Variants in PHTF1 observed in about 807,000 individuals in gnomAD.
PHTF1 encodes putative homeodomain transcription factor 1.
In PHTF1, 88 loss-of-function variants were observed where a neutral mutation model predicts 102.4. The observed-to-expected ratio is 0.86, with a 90% CI of 0.72 to 1.03. The LOEUF (loss-of-function observed/expected upper bound fraction) is 1.03. Ranked by LOEUF, PHTF1 falls within the 50% of genes least tolerant of loss-of-function variation. The pLI, the probability that PHTF1 is intolerant of heterozygous loss-of-function variation, is 0.00. For synonymous variants in PHTF1, 289 were observed against 305.2 expected (o/e 0.95, Z 0.55); for missense variants, 814 against 909.5 (o/e 0.89, Z 1.35).
intron 3 of PHTF1, among the ~76,000 whole-genome samples, chr1:113,754,070 C>A (rs748769900): frequency 2.6e-5 from 4 of 152,136 alleles, no homozygotes; most frequent in Non-Finnish European, 4.4e-5. Flanking sequence ...TAGAAGGATT[C>A]TTTTTATTAT....
intron 3 of PHTF1, among the ~76,000 whole-genome samples, chr1:113,743,910 C>T (rs890614512): frequency 5.9e-5 from 9 of 152,306 alleles, no homozygotes; most frequent in African/African-American, 1.9e-4. Flanking sequence ...GATTCCAACC[C>T]TTTCATTCTC....
rs965259012 is a variant in PHTF1 at position 113,713,165 on chromosome 1, T to G, written c.783+114A>C. On this transcript the variant is annotated intron_variant, in intron 8 of 18. Coordinates refer to ENST00000369604, the MANE Select transcript of PHTF1 (RefSeq NM_001323043.2). ...TCTTTTCATATCCTGTGGTTTTACT[T>G]GTTAGGACAAATTTATAAACCTACT... 1.2e-5 allele frequency: 11 copies of G among 915,018 alleles called. No homozygotes were observed. In the African/African-American group the frequency reaches 1.8e-4, roughly 15 times the overall value. 56.7% of individuals were successfully genotyped at this position (915,018 alleles called of 1,614,324 possible). A position where few individuals can be genotyped will look rare whatever the true frequency, so the allele number is the denominator to read the frequency against.
At chr1:113,747,551 G>T (rs1173775696) in intron 3 of PHTF1, among the ~76,000 whole-genome samples, 1 of 152,096 alleles carries the variant, frequency 6.6e-6, no homozygotes, top group East Asian at 1.9e-4. Flanking sequence ...TGCTGTGTTG[G>T]CTGTCCTGTT....
intron 16 of PHTF1, 99 bp from the exon 17 acceptor site, chr1:113,699,898 TAAATTTTG>T (rs1440870265): frequency 1.4e-6 from 1 of 702,938 alleles, no homozygotes; most frequent in East Asian, 2.8e-5. Flanking sequence ...TCAAGTAAAA[TAAATTTTG>T]AAATTCCAAT....
chr1:113,713,039 T>TC (rs778293044), intron 8 of PHTF1, among the ~76,000 whole-genome samples: 7 of 152,138 alleles, frequency 4.6e-5, no homozygotes, highest in African/African-American at 9.7e-5. Flanking sequence ...GATCCGCCTG[T>TC]CTCGGCCTCC....
chr1:113,727,878 G>GT (rs1469254186), intron 5 of PHTF1, among the ~76,000 whole-genome samples: 3 of 152,190 alleles, frequency 2.0e-5, no homozygotes, highest in Non-Finnish European at 4.4e-5. Context: ...GGAGGCTGAG[G>GT]TGGGAGGATC....
At chr1:113,755,214 T>C (rs1658673304) in intron 3 of PHTF1, among the ~76,000 whole-genome samples, 1 of 152,136 alleles carries the variant, frequency 6.6e-6, no homozygotes, top group Non-Finnish European at 1.5e-5. Flanking sequence ...TTTCAAAAAA[T>C]TGTATTTGTG....
intron 3 of PHTF1, among the ~76,000 whole-genome samples, chr1:113,753,781 C>G (rs781742452): frequency 6.7e-6 from 1 of 150,122 alleles, no homozygotes; most frequent in Non-Finnish European, 1.5e-5. Flanking sequence ...CTTAAGCAAT[C>G]CTCTCACCTC....
intron 5 of PHTF1, among the ~76,000 whole-genome samples, chr1:113,728,711 C>T (rs936851620): frequency 6.6e-6 from 1 of 152,188 alleles, no homozygotes; most frequent in African/African-American, 2.4e-5. Context: ...AAGTTCAAGA[C>T]CAGCCTGGGC....
At chr1:113,758,505 C>A (rs1659224667) in intron 2 of PHTF1, among the ~76,000 whole-genome samples, 154 bp downstream of exon 2, 1 of 147,766 alleles carries the variant, frequency 6.8e-6, no homozygotes, top group African/African-American at 2.5e-5. Context: ...ACATAATGAC[C>A]TTGTACATCT....
chr1:113,738,782 C>T lies in PHTF1; in HGVS notation c.120G>A (p.Pro40=), dbSNP rs762966556. 2.5e-5 allele frequency: 40 copies of T among 1,601,798 alleles called. No homozygotes were observed. The highest frequency in any genetic ancestry group is 6.8e-5 in the South Asian group (6 of 88,476). ...CTGGCTTTATGTGGCCCATCTTTTT[C>T]GGTTTGTTTTTCAAACCCTAGGATA... ...QTQIKGLKNK[P]KKMGHIKPDL... is the part of the protein sequence containing the mutation. The change falls in exon 4 of 19, where the codon CCG becomes CCA. Residue 40 remains proline (P), a synonymous_variant. Transcript: ENST00000369604.
chr1:113,736,447 T>C (rs747975350), intron 5 of PHTF1, among the ~76,000 whole-genome samples: 63 of 149,552 alleles, frequency 4.2e-4, no homozygotes, highest in Admixed American at 2.2e-3. Flanking sequence ...TGAAAAGCCT[T>C]AAGAATGCTT....
At chr1:113,722,451 T>C (rs1653112570) in intron 7 of PHTF1, among the ~76,000 whole-genome samples, 1 of 151,528 alleles carries the variant, frequency 6.6e-6, no homozygotes, top group Non-Finnish European at 1.5e-5. Flanking sequence ...AAAAAAGAAA[T>C]TGAAGAGAAT....
intron 6 of PHTF1, 146 bp from the exon 7 acceptor site, chr1:113,725,039 G>C (rs937037452): frequency 8.6e-6 from 5 of 583,280 alleles, no homozygotes; most frequent in African/African-American, 3.8e-5. Context: ...AACTATGCAA[G>C]AACTTTCTGA....
rs1439953965 is a variant in PHTF1, at chr1:113,700,847, C to T, written c.1993G>A (p.Gly665Arg). The T allele has an allele frequency of 3.1e-6, 5 of 1,613,468 alleles. No individual in the cohort carries two copies. Among genetic ancestry groups the T allele is most frequent in the Non-Finnish European group, 4.2e-6 (5 of 1,179,690 alleles). Residue 665 changes from glycine to arginine, a missense_variant, in exon 16 of 19, where the codon GGG (glycine) becomes AGG (arginine). Physicochemically the swap from Gly to Arg is moderately radical, Grantham distance 125 (BLOSUM62 -2). Transcript: ENST00000369604. ...LLFLLRLASLGSETNKKYSNV... is the reference protein window; with the variant it reads ...LLFLLRLASLRSETNKKYSNV... ...CTGTATTTCTTATTGGTTTCAGACCCCAGTGAGGCCAGACGCAATAAAAAA... is the reference window on the plus strand; with the variant it reads ...CTGTATTTCTTATTGGTTTCAGACCTCAGTGAGGCCAGACGCAATAAAAAA...
chr1:113,711,917 T>G (rs751262123), intron 9 of PHTF1, 23 bp downstream of exon 9: 1 of 1,608,252 alleles, frequency 6.2e-7, no homozygotes, highest in South Asian at 1.1e-5. Flanking sequence ...TCCTATACTT[T>G]CATAAACTAA....
intron 3 of PHTF1, among the ~76,000 whole-genome samples, chr1:113,752,677 C>T (rs1205812226): frequency 6.6e-6 from 1 of 152,106 alleles, no homozygotes; most frequent in African/African-American, 2.4e-5. Flanking sequence ...AGCCACTGCG[C>T]CCAGCCTACT....
rs1340358162 is a variant in PHTF1 at position 113,712,057 on chromosome 1, ATCT to A, written c.837_839del (p.Glu279del). Reference sequence around the variant, plus strand: ...ATATCATCTGTGTCCGTGCTTCACCATCTTCTTCACTTGACAGGTCATCAGACA... The same window carrying A: ...ATATCATCTGTGTCCGTGCTTCACCATCTTCACTTGACAGGTCATCAGACA... On this transcript the variant is annotated inframe_deletion, in exon 9 of 19. Coordinates refer to ENST00000369604, the MANE Select transcript of PHTF1 (RefSeq NM_001323043.2). 2 of 1,613,980 alleles carry A rather than the reference ATCT, an allele frequency of 1.2e-6. No individual in the cohort carries two copies. Among genetic ancestry groups the A allele is most frequent in the East Asian group, 2.2e-5 (1 of 44,886 alleles).
chr1:113,709,223 G>A lies in PHTF1; in HGVS notation c.1269+1031C>T, dbSNP rs1650683178. 2.0e-5 allele frequency among the ~76,000 whole-genome samples: 3 copies of A among 152,260 alleles called. No homozygotes were observed. The South Asian group carries it at 6.2e-4, about 32-fold the overall frequency. ...TGCACTCCAGCCTGGGCAACAGAGT[G>A]AGCTCTGTCCCAAAAAAGAAAACTT... On this transcript the variant is annotated intron_variant, in intron 11 of 18. Transcript: ENST00000369604.
Sources: gnomAD v4.1 joint callset for allele counts (sites outside exome capture counted in the v4.1 genomes callset) on GRCh38, gnomAD v4.1.1 for gene constraint, MANE v1.5 for transcripts, NCBI Gene and HGNC (gene_info 2026-07-23, HGNC 2026-07-21) for gene names.